The following PKD2 variants were observed in gnomAD, a reference collection of about 807,000 sequenced individuals.
The protein encoded by PKD2 is polycystin 2, transient receptor potential cation channel, also known as polycystin-2.
A neutral mutation model predicts 105.9 loss-of-function variants in PKD2; 48 were observed. That is an observed-to-expected ratio of 0.45 (90% CI 0.36 to 0.58). The LOEUF (loss-of-function observed/expected upper bound fraction) is 0.58. PKD2 is among the 20% of genes least tolerant of loss of function. The pLI, the probability that PKD2 is intolerant of heterozygous loss-of-function variation, is 0.00. For synonymous variants in PKD2, 464 were observed against 481.1 expected (o/e 0.96, Z 0.46); for missense variants, 1,078 against 1,255.3 (o/e 0.86, Z 2.13).
rs868519938 is a variant in PKD2, at chr4:88,065,462, T to C, written c.2207T>C (p.Leu736Ser). ...AGTCTGCGGCAAGGAGGAGGCAAGT[T>C]AAACTTTGACGAACTTCGACAAGAT... ...SESLRQGGGK[L>S]NFDELRQDLK... Residue 736 changes from leucine to serine, a missense_variant, in exon 11 of 15, where the codon TTA becomes TCA. Leu to Ser is a moderately radical substitution (Grantham distance 145). This residue lies in a region of PKD2 where 868 missense variants were observed against 1,067.3 expected (regional missense o/e 0.81). Transcript: ENST00000237596. 5.0e-6 allele frequency: 8 copies of C among 1,613,208 alleles called. No individual in the cohort carries two copies. The Admixed American group carries it at 1.3e-4, about 27-fold the overall frequency.
At chr4:88,035,009 T>C (rs946952437) in intron 2 of PKD2, among the ~76,000 whole-genome samples, 1 of 152,220 alleles carries the variant, frequency 6.6e-6, no homozygotes, top group African/African-American at 2.4e-5. Context: ...GCCACCATTA[T>C]TGAACATTTG....
chr4:88,016,166 G>C (rs984571543), intron 1 of PKD2, among the ~76,000 whole-genome samples: 2 of 152,318 alleles, frequency 1.3e-5, no homozygotes, highest in Admixed American at 1.3e-4. Context: ...ACCTCCTGCT[G>C]TGGGGCCCGG....
intron 13 of PKD2, among the ~76,000 whole-genome samples, chr4:88,068,442 C>G (rs569757267): frequency 1.5e-4 from 22 of 151,162 alleles, no homozygotes; most frequent in African/African-American, 5.4e-4. Flanking sequence ...TGCACACCAG[C>G]CTGGGCGACA....
chr4:88,071,206 C>G (rs1211832757), intron 13 of PKD2, among the ~76,000 whole-genome samples: 2 of 151,850 alleles, frequency 1.3e-5, no homozygotes, highest in Non-Finnish European at 2.9e-5. Context: ...CAGGCATGAG[C>G]CACTGTACCC....
At position 88,033,451 on chromosome 4, in the gene PKD2, T is replaced by C. The variant is rs1727230747; in HGVS notation, c.710-2769T>C. Among the ~76,000 whole-genome samples the C allele has an allele frequency of 3.3e-5, 5 of 150,100 alleles. No individual in the cohort carries two copies. The South Asian group carries it at 1.1e-3, about 32-fold the overall frequency. On this transcript the variant is annotated intron_variant, in intron 2 of 14. Coordinates refer to ENST00000237596, the MANE Select transcript of PKD2 (RefSeq NM_000297.4). ...CAAAAAAAAAAAAAAAAAGTTACAA[T>C]AATCTTCCCTTCAAAGCTGGAAGGC...
intron 2 of PKD2, among the ~76,000 whole-genome samples, chr4:88,020,868 T>G (rs540706781): frequency 9.5e-4 from 145 of 152,050 alleles, no homozygotes; most frequent in African/African-American, 3.3e-3. Flanking sequence ...TTTTAAAACA[T>G]TTTTGTAGAG....
chr4:88,068,134 C>G (rs1720865898), intron 13 of PKD2, 73 bp downstream of exon 13: 1 of 1,148,478 alleles, frequency 8.7e-7, no homozygotes, highest in Non-Finnish European at 1.3e-6. Context: ...CCTCATCTCT[C>G]TGAATTCACT....
intron 7 of PKD2, 54 bp from the exon 8 acceptor site, chr4:88,056,032 A>G (rs1560620179): frequency 9.3e-7 from 1 of 1,072,122 alleles, no homozygotes; most frequent in South Asian, 1.2e-5. Flanking sequence ...TATTATATAC[A>G]GTCACACCAT....
chr4:88,010,103 T>G (rs1156980409), intron 1 of PKD2, among the ~76,000 whole-genome samples: 1 of 151,924 alleles, frequency 6.6e-6, no homozygotes, highest in African/African-American at 2.4e-5. Flanking sequence ...AATTTTTTTT[T>G]TTTTTTTAAG....
intron 10 of PKD2, among the ~76,000 whole-genome samples, chr4:88,064,790 G>A (rs376022404): frequency 3.3e-5 from 5 of 152,116 alleles, no homozygotes; most frequent in African/African-American, 9.6e-5. Context: ...CTTGTTGGGG[G>A]CTGAGTTGGG....
intron 2 of PKD2, among the ~76,000 whole-genome samples, chr4:88,021,454 A>C (rs1236820935): frequency 6.6e-6 from 1 of 152,204 alleles, no homozygotes; most frequent in Non-Finnish European, 1.5e-5. Flanking sequence ...TTTTCATGCA[A>C]ATCACATTTT....
chr4:88,058,525 A>G (rs1720446350), intron 9 of PKD2, among the ~76,000 whole-genome samples: 1 of 152,182 alleles, frequency 6.6e-6, no homozygotes, highest in Admixed American at 6.5e-5. Context: ...ACTTGCTAGC[A>G]TGACTTTTCT....
In PKD2 at chr4:88,007,708, C is replaced by G. The variant is rs530444554; in HGVS notation, c.-26C>G. On this transcript the variant is annotated 5_prime_UTR_variant, in exon 1 of 15. Transcript: ENST00000237596. ...CAGCGCCGAGCGCGGCGCCGCGCACCCGCGCGCCGGACGCCAGTGACCGCG... is the reference window on the plus strand; with the variant it reads ...CAGCGCCGAGCGCGGCGCCGCGCACGCGCGCGCCGGACGCCAGTGACCGCG... 8.5e-7 allele frequency: 1 copy of G among 1,180,378 alleles called. No homozygotes were observed. Among genetic ancestry groups the G allele is most frequent in the Non-Finnish European group, 1.1e-6 (1 of 946,392 alleles). 73.1% of individuals were successfully genotyped at this position (1,180,378 alleles called of 1,614,324 possible). A position where few individuals can be genotyped will look rare whatever the true frequency, so the allele number is the denominator to read the frequency against.
In PKD2 at chr4:88,076,676, T is replaced by C. The variant is rs1721244740; in HGVS notation, c.*982T>C. 6.6e-6 allele frequency: 1 copy of C among 152,206 alleles called. No individual in the cohort carries two copies. Among genetic ancestry groups the C allele is most frequent in the Non-Finnish European group, 1.5e-5 (1 of 68,042 alleles). The allele number at this position is 152,206 out of a possible 1,614,324, so 9.4% of individuals were successfully genotyped here. A position where few individuals can be genotyped will look rare whatever the true frequency, so the allele number is the denominator to read the frequency against. On this transcript the variant is annotated 3_prime_UTR_variant, in exon 15 of 15. Transcript: ENST00000237596. ...TTTTGAAATTCATAAAGCATTTGGT[T>C]TTAAACTATTTTAAGAATATAGTAC...
At chr4:88,015,708 C>T (rs563808541) in intron 1 of PKD2, among the ~76,000 whole-genome samples, 1 of 152,322 alleles carries the variant, frequency 6.6e-6, no homozygotes, top group Admixed American at 6.5e-5. Flanking sequence ...AGGCGTGAGC[C>T]AGTGTGCCCA....
intron 14 of PKD2, 110 bp from the exon 15 acceptor site, chr4:88,075,348 T>C: frequency 1.2e-6 from 1 of 867,766 alleles, no homozygotes; most frequent in Non-Finnish European, 2.0e-6. Flanking sequence ...GATTTGCTAT[T>C]ATATGCTGTA....
At chr4:88,063,463 G>A (rs1408230974) in intron 10 of PKD2, among the ~76,000 whole-genome samples, 5 of 151,908 alleles carry the variant, frequency 3.3e-5, no homozygotes, top group South Asian at 2.1e-4. Context: ...CCTAGGAGGC[G>A]GAGGTTGCAG....
At chr4:88,022,067 G>C (rs564380066) in intron 2 of PKD2, among the ~76,000 whole-genome samples, 1 of 152,318 alleles carries the variant, frequency 6.6e-6, no homozygotes, top group African/African-American at 2.4e-5. Flanking sequence ...ACCATGGCCA[G>C]ACTCATGAGG....
In PKD2 at chr4:88,065,442, G is replaced by A. The variant is rs1423120090; in HGVS notation, c.2187G>A (p.Leu729=). ...CCGTGGATGACATTTCAGAGAGTCT[G>A]CGGCAAGGAGGAGGCAAGTTAAACT... ...KNTVDDISES[L]RQGGGKLNFD... The change falls in exon 11 of 15, where the codon CTG becomes CTA. Residue 729 remains leucine (L), a synonymous_variant. Transcript: ENST00000237596. The A allele has an allele frequency of 1.9e-6, 3 of 1,613,232 alleles. No homozygotes were observed. The highest frequency in any genetic ancestry group is 2.5e-6 in the Non-Finnish European group (3 of 1,179,316).
Sources: gnomAD v4.1 joint callset for allele counts (sites outside exome capture counted in the v4.1 genomes callset) on GRCh38, gnomAD v4.1.1 for gene constraint, gnomAD v4.1.1 regional missense constraint, MANE v1.5 for transcripts, NCBI Gene and HGNC (gene_info 2026-07-23, HGNC 2026-07-21) for gene names.